ST3GAL3: variants seen among roughly 807,000 people sequenced by gnomAD.
ST3GAL3 encodes ST3 beta-galactoside alpha-2,3-sialyltransferase 3.
Under a neutral mutation model 50.1 loss-of-function variants are expected in ST3GAL3, and 21 were observed. The observed-to-expected ratio is 0.42, with a 90% CI of 0.30 to 0.60. The LOEUF (loss-of-function observed/expected upper bound fraction) is 0.60, where lower values mean the gene tolerates loss of function less well. Among genes scored for constraint, ST3GAL3 ranks in the 20% least tolerant of loss-of-function variants. The probability of loss-of-function intolerance (pLI) is 0.19; values close to 1 mark genes in which losing one functional copy is unlikely to be tolerated. For missense variants in ST3GAL3, 353 were observed against 489.4 expected, an observed-to-expected ratio of 0.72 and a Z score of 2.63; for synonymous variants, 183 against 190.0, an observed-to-expected ratio of 0.96 and a Z score of 0.30.
chr1:43,871,108 G>C lies in ST3GAL3; in HGVS notation c.303-23275G>C, dbSNP rs569348467. 5.9e-5 allele frequency among the ~76,000 whole-genome samples: 9 copies of C among 152,314 alleles called. No individual in the cohort carries two copies. In the East Asian group the frequency reaches 1.5e-3, roughly 26 times the overall value. ...GGGCTTGGGGCAGTGACAGGACTCA[G>C]GCCATTCCAGAAGGGAGCAGCCATG... On this transcript the variant is annotated intron_variant, in intron 5 of 11. Coordinates refer to ENST00000347631, the MANE Select transcript of ST3GAL3 (RefSeq NM_006279.5).
chr1:43,847,419 G>A (rs898793456), intron 5 of ST3GAL3, among the ~76,000 whole-genome samples: 3 of 152,100 alleles, frequency 2.0e-5, no homozygotes, highest in African/African-American at 7.2e-5. Flanking sequence ...AACAAAATGT[G>A]GTATGCATAA....
At chr1:43,756,693 T>C (rs936470551) in intron 2 of ST3GAL3, among the ~76,000 whole-genome samples, 1 of 152,088 alleles carries the variant, frequency 6.6e-6, no homozygotes, top group Non-Finnish European at 1.5e-5. Flanking sequence ...CTTGATATGG[T>C]TGGATAATTG....
chr1:43,717,929 A>G (rs1668209922), intron 1 of ST3GAL3, among the ~76,000 whole-genome samples: 1 of 151,776 alleles, frequency 6.6e-6, no homozygotes, highest in East Asian at 1.9e-4. Context: ...CTAGAGTGCA[A>G]TGGCATGACC....
At chr1:43,820,463 C>A (rs1482742564) in intron 4 of ST3GAL3, among the ~76,000 whole-genome samples, 1 of 151,986 alleles carries the variant, frequency 6.6e-6, no homozygotes, top group African/African-American at 2.4e-5. Flanking sequence ...GAGACCTAAT[C>A]AAAATAAAGA....
chr1:43,914,392 CAG>C (rs2081437067), intron 9 of ST3GAL3: 3 of 152,248 alleles, frequency 2.0e-5, no homozygotes, highest in Admixed American at 6.5e-5. Flanking sequence ...TTAGAGGAGA[CAG>C]GGGAGGTCTC....
At position 43,898,276 on chromosome 1, in the gene ST3GAL3, C is replaced by T. The variant is rs200149990; in HGVS notation, c.439C>T (p.Arg147Cys). ...CATCTTGTCAGTCACCAAAGAGTACCGCCTGACCCCTGCCTTGGACAGGTG... is the reference window on the plus strand; with the variant it reads ...CATCTTGTCAGTCACCAAAGAGTACTGCCTGACCCCTGCCTTGGACAGGTG... Reference protein sequence around the residue: ...KAILSVTKEYRLTPALDSLRC... With the variant: ...KAILSVTKEYCLTPALDSLRC... Residue 147 changes from arginine (R) to cysteine (C), a missense_variant, in exon 7 of 12, where the codon CGC (arginine) becomes TGC (cysteine). Coordinates refer to ENST00000347631, the MANE Select transcript of ST3GAL3 (RefSeq NM_006279.5). 4 of 1,613,788 alleles carry T rather than the reference C, an allele frequency of 2.5e-6. No individual in the cohort carries two copies. Among genetic ancestry groups the T allele is most frequent in the Non-Finnish European group, 3.4e-6 (4 of 1,180,024 alleles).
At position 43,894,477 on chromosome 1, in the gene ST3GAL3, G is replaced by A. The variant is rs1348382114; in HGVS notation, c.397G>A (p.Asp133Asn). 2 of 1,613,900 alleles carry A rather than the reference G, an allele frequency of 1.2e-6. No homozygotes were observed. The highest frequency in any genetic ancestry group is 1.7e-6 in the Non-Finnish European group (2 of 1,179,960). The change falls in exon 6 of 12, where the codon GAC becomes AAC. Residue 133 changes from aspartate (D) to asparagine (N), a missense_variant and splice_region_variant. Physicochemically the swap from Asp to Asn is conservative, Grantham distance 23. Coordinates refer to ENST00000347631, the MANE Select transcript of ST3GAL3 (RefSeq NM_006279.5). ...GCCGCCTTTTGGGATCAAAGGTCAA[G>A]GTATGTTGGGAACCCTGACCTACAT... is the stretch of plus-strand genomic sequence containing the variant. ...FVPPFGIKGQ[D>N]NLIKAILSVT...
intron 2 of ST3GAL3, chr1:43,743,473 A>G (rs1571934472): frequency 5.0e-6 from 2 of 403,226 alleles, no homozygotes; most frequent in East Asian, 1.6e-4. Context: ...ACTTAAGAGC[A>G]ACGATCATAC....
chr1:43,866,242 C>A (rs1558642172), intron 5 of ST3GAL3, among the ~76,000 whole-genome samples: 2 of 152,116 alleles, frequency 1.3e-5, no homozygotes, highest in African/African-American at 2.4e-5. Flanking sequence ...CTGGGAGAAG[C>A]CATCTTTTGG....
intron 2 of ST3GAL3, among the ~76,000 whole-genome samples, chr1:43,771,364 G>GTTT (rs397943226): frequency 7.0e-6 from 1 of 143,072 alleles, no homozygotes. Flanking sequence ...GCGACTTTTT[G>GTTT]TTTTTTTTTT....
intron 4 of ST3GAL3, among the ~76,000 whole-genome samples, chr1:43,821,520 AG>A (rs1195462068): frequency 1.3e-5 from 2 of 152,210 alleles, no homozygotes; most frequent in Non-Finnish European, 2.9e-5. Flanking sequence ...GGACCGTGCC[AG>A]GGGAGAAGTA....
intron 5 of ST3GAL3, among the ~76,000 whole-genome samples, chr1:43,892,539 T>C (rs1206840714): frequency 6.6e-6 from 1 of 152,222 alleles, no homozygotes; most frequent in African/African-American, 2.4e-5. Context: ...TTTTTATGTG[T>C]GCTTGTCTGT....
intron 3 of ST3GAL3, among the ~76,000 whole-genome samples, chr1:43,803,098 G>C (rs2059491104): frequency 6.6e-6 from 1 of 152,030 alleles, no homozygotes; most frequent in South Asian, 2.1e-4. Flanking sequence ...GCTAATTTTT[G>C]TATTTTTAGT....
At chr1:43,860,674 T>C (rs796927683) in intron 5 of ST3GAL3, among the ~76,000 whole-genome samples, 5 of 152,324 alleles carry the variant, frequency 3.3e-5, no homozygotes, top group African/African-American at 1.2e-4. Context: ...CCAAGGGCCA[T>C]CCTCCATGAG....
chr1:43,908,030 G>T (rs1330053366), intron 9 of ST3GAL3, among the ~76,000 whole-genome samples: 1 of 152,178 alleles, frequency 6.6e-6, no homozygotes, highest in East Asian at 1.9e-4. Flanking sequence ...GGAGCAGCTT[G>T]TCAGCAAGCA....
At chr1:43,755,208 A>G (rs372092627) in intron 2 of ST3GAL3, among the ~76,000 whole-genome samples, 87 of 152,348 alleles carry the variant, frequency 5.7e-4, no homozygotes, top group African/African-American at 2.0e-3. Context: ...GCAAAGAATT[A>G]GAACAGACAG....
At chr1:43,781,446 C>G (rs1328126004) in intron 2 of ST3GAL3, among the ~76,000 whole-genome samples, 1 of 151,900 alleles carries the variant, frequency 6.6e-6, no homozygotes, top group Non-Finnish European at 1.5e-5. Flanking sequence ...CCCCACTCTA[C>G]TAAAAACACA....
intron 6 of ST3GAL3, among the ~76,000 whole-genome samples, chr1:43,897,911 C>T (rs1163021556): frequency 6.6e-6 from 1 of 152,216 alleles, no homozygotes; most frequent in African/African-American, 2.4e-5. Context: ...AGGGAAGGCC[C>T]TGGCCTGGGA....
intron 4 of ST3GAL3, among the ~76,000 whole-genome samples, chr1:43,824,118 A>G (rs751149541): frequency 6.6e-6 from 1 of 152,234 alleles, no homozygotes; most frequent in Non-Finnish European, 1.5e-5. Context: ...TGTTCAATCA[A>G]TCGAGGACAG....
Sources: allele counts gnomAD v4.1 joint callset (sites outside exome capture counted in the v4.1 genomes callset), GRCh38; gene constraint gnomAD v4.1.1; transcripts MANE v1.5; gene names NCBI Gene and HGNC (gene_info 2026-07-23, HGNC 2026-07-21).